The following MYH2 variants were observed in gnomAD, a reference collection of about 807,000 sequenced individuals.
MYH2 encodes the protein myosin heavy chain 2.
MYH2 carries 139 observed loss-of-function variants against 228.1 expected under a neutral mutation model. The observed-to-expected ratio is 0.61, with a 90% CI of 0.53 to 0.70. MYH2 has a LOEUF of 0.70. MYH2 is among the 30% of genes least tolerant of loss of function. The pLI is 0.00. For synonymous variants in MYH2, 796 were observed against 871.1 expected, an observed-to-expected ratio of 0.91 and a Z score of 1.52; for missense variants, 1,809 against 2,357.5, an observed-to-expected ratio of 0.77 and a Z score of 4.82.
At chr17:10,521,538 G>T in intron 39 of MYH2, 106 bp from the exon 40 acceptor site, 4 of 994,698 alleles carry the variant, frequency 4.0e-6, no homozygotes, top group Admixed American at 2.1e-5. Flanking sequence ...CAACATCTAG[G>T]GATTATCATT....
At chr17:10,534,941 G>A in intron 19 of MYH2, 132 bp downstream of exon 19, 3 of 1,161,872 alleles carry the variant, frequency 2.6e-6, no homozygotes, top group South Asian at 1.3e-5. Flanking sequence ...CGAGACTTGA[G>A]ACTTGTAATT....
chr17:10,530,155 G>C (rs1351883211), intron 22 of MYH2, 81 bp from the exon 23 acceptor site: 2 of 1,608,722 alleles, frequency 1.2e-6, no homozygotes, highest in Non-Finnish European at 1.7e-6. Flanking sequence ...TTCTGCATTT[G>C]ATCTTTTGAA....
Position 10,523,876 on chromosome 17 carries a change from G to T in MYH2, c.5184C>A (p.Ser1728Arg). 2 of 1,613,460 alleles carry T rather than the reference G, an allele frequency of 1.2e-6. No individual in the cohort carries two copies. Among genetic ancestry groups the T allele is most frequent in the South Asian group, 1.1e-5 (1 of 91,042 alleles). Reference sequence around the variant, plus strand: ...CCAGCTTCTTCTTGGTGTTGATCAGGCTGGTGTTCTGTTTAAAAAGAATTT... The same window carrying T: ...CCAGCTTCTTCTTGGTGTTGATCAGTCTGGTGTTCTGTTTAAAAAGAATTT... ...RVQLLHTQNT[S>R]LINTKKKLET... The change falls in exon 36 of 40, where the codon AGC (serine) becomes AGA (arginine). Residue 1728 changes from serine to arginine, a missense_variant. By Grantham distance (110) the Ser-to-Arg change is moderately radical. Around this residue, in one of 9 missense-constraint regions of MYH2, gnomAD observed 278 missense variants for 308.5 expected, o/e 0.90. Coordinates refer to ENST00000245503, the MANE Select transcript of MYH2 (RefSeq NM_017534.6).
rs912210806 is a variant in MYH2 at position 10,529,682 on chromosome 17, T to G, written c.2999A>C (p.Lys1000Thr). 2 of 1,614,022 alleles carry G rather than the reference T, an allele frequency of 1.2e-6. No homozygotes were observed. The highest frequency in any genetic ancestry group is 1.7e-6 in the Non-Finnish European group (2 of 1,180,020). ...GLDETIAKLT[K>T]EKKALQEAHQ... ...GGCCTCCTGGAGAGCCTTCTTCTCC[T>G]TGGTCAGCTTAGCAATGGTTTCATC... is the stretch of plus-strand genomic sequence containing the variant. Residue 1000 changes from lysine to threonine, a missense_variant, in exon 24 of 40, where the codon AAG becomes ACG. Coordinates refer to ENST00000245503, the MANE Select transcript of MYH2 (RefSeq NM_017534.6).
rs546668018 is a variant in MYH2, at chr17:10,524,571, C to T, written c.5070G>A (p.Glu1690=). 4.4e-5 allele frequency: 71 copies of T among 1,614,222 alleles called. No individual in the cohort carries two copies. The highest frequency in any genetic ancestry group is 5.8e-5 in the Non-Finnish European group (68 of 1,180,032). ...VERRANLLQA[E]IEELRATLEQ... Reference sequence around the variant, plus strand: ...CCAGAGTGGCCCGCAGCTCCTCGATCTCAGCCTGCAGCAGGTTGGCTCTGC... The same window carrying T: ...CCAGAGTGGCCCGCAGCTCCTCGATTTCAGCCTGCAGCAGGTTGGCTCTGC... Residue 1690 remains glutamate, a synonymous_variant, in exon 35 of 40, where the codon GAG becomes GAA. Coordinates refer to ENST00000245503, the MANE Select transcript of MYH2 (RefSeq NM_017534.6). This position sits in a 1 kb window ranked among gnomAD's most constrained non-coding sequence, Gnocchi z 4.7.
chr17:10,536,287 C>T (rs1388452053), intron 17 of MYH2, among the ~76,000 whole-genome samples: 2 of 152,124 alleles, frequency 1.3e-5, no homozygotes, highest in Non-Finnish European at 2.9e-5. Context: ...TGTAACCCAA[C>T]ACCACCTGTT....
Position 10,533,539 on chromosome 17 carries a change from G to T in MYH2, c.2274C>A (p.Asp758Glu), listed in dbSNP as rs1452167134. 2 of 1,614,046 alleles carry T rather than the reference G, an allele frequency of 1.2e-6. No homozygotes were observed. The highest frequency in any genetic ancestry group is 1.3e-5 in the African/African-American group (1 of 74,918). ...SEKLLASIDI[D>E]HTQYKFGHTK... The stretch of plus-strand genomic sequence containing the variant: ...TGTGCCCAAATTTATACTGGGTGTG[G>T]TCAATGTCGATGGATGCAAGGAGCT... Residue 758 changes from aspartate (D) to glutamate (E), a missense_variant, in exon 20 of 40, where the codon GAC becomes GAA. Asp to Glu is a conservative substitution (Grantham distance 45, BLOSUM62 2). Coordinates refer to ENST00000245503, the MANE Select transcript of MYH2 (RefSeq NM_017534.6).
chr17:10,525,349 C>G lies in MYH2; in HGVS notation c.4538-1G>C, dbSNP rs1597448285. 1.2e-6 allele frequency: 2 copies of G among 1,614,010 alleles called. No homozygotes were observed. The highest frequency in any genetic ancestry group is 2.7e-5 in the African/African-American group (2 of 74,910). ...TGTTCCGTGAGGTCAGAAATCTCCT[C>G]TGTTGTTTGAGTAAAAGACAGGTAG... On this transcript the variant is annotated splice_acceptor_variant, in intron 32 of 39. Transcript: ENST00000245503. LOFTEE classifies it high-confidence loss of function. The surrounding 1 kb of genome is among the most constrained non-coding windows in gnomAD (Gnocchi z 4.2).
intron 39 of MYH2, among the ~76,000 whole-genome samples, chr17:10,521,779 T>A (rs2073288602): frequency 1.3e-5 from 2 of 151,572 alleles, no homozygotes; most frequent in African/African-American, 4.9e-5. Context: ...TTGAGTTAGA[T>A]TTTTTTTATC....
chr17:10,523,636 C>A lies in MYH2; in HGVS notation c.5332G>T (p.Glu1778Ter), dbSNP rs867958590. ...AAMMAEELKKEQDTSAHLERM... is the reference protein window; with the variant it reads ...AAMMAEELKK ...TCCAGGTGGGCGCTGGTGTCCTGCT[C>A]CTTCTTCAGCTCCTCAGCCATCATG... is the stretch of plus-strand genomic sequence containing the variant. The change falls in exon 37 of 40, where the codon GAG becomes TAG. Residue 1778 changes from glutamate to a stop codon, truncating the protein, a stop_gained. Coordinates refer to ENST00000245503, the MANE Select transcript of MYH2 (RefSeq NM_017534.6). LOFTEE classifies it high-confidence loss of function. 3.1e-6 allele frequency: 5 copies of A among 1,614,154 alleles called. No homozygotes were observed. The highest frequency in any genetic ancestry group is 4.2e-6 in the Non-Finnish European group (5 of 1,180,016).
At chr17:10,523,038 T>C (rs373066455) in intron 39 of MYH2, 52 bp downstream of exon 39, 1 of 1,272,488 alleles carries the variant, frequency 7.9e-7, no homozygotes, top group African/African-American at 1.5e-5. Flanking sequence ...CTACAAGAAG[T>C]AGTAATTATT....
rs137996115 is a variant in MYH2 at position 10,547,737 on chromosome 17, C to A, written c.184G>T (p.Val62Leu). 1 of 1,614,124 alleles carries A rather than the reference C, an allele frequency of 6.2e-7. No homozygotes were observed. The highest frequency in any genetic ancestry group is 8.5e-7 in the Non-Finnish European group (1 of 1,180,042). Residue 62 changes from valine to leucine, a missense_variant, in exon 3 of 40, where the codon GTG (valine) becomes TTG (leucine). By Grantham distance (32) the Val-to-Leu change is conservative. Transcript: ENST00000245503. ...CTCACCGCTCCTCCCTCAGTCTTCA[C>A]CGTCACTTTTCCTCCTTCTCTGCTC... ...IQSREGGKVT[V>L]KTEGGATLTV...
chr17:10,526,787 G>C lies in MYH2; in HGVS notation c.3999C>G (p.Asn1333Lys). The change falls in exon 30 of 40, where the codon AAC becomes AAG. Residue 1333 changes from asparagine (N) to lysine (K), a missense_variant. Physicochemically the swap from Asn to Lys is moderately conservative, Grantham distance 94 (BLOSUM62 0). Transcript: ENST00000245503. Reference protein sequence around the residue: ...RQLEEEIKAKNALAHALQSSR... With the variant: ...RQLEEEIKAKKALAHALQSSR... ...AAGACTGCAGGGCATGCGCCAGGGC[G>C]TTCTTGGCCTATGGAGGCAGTTACA... is the stretch of plus-strand genomic sequence containing the variant. The C allele has an allele frequency of 1.2e-6, 2 of 1,614,214 alleles. No homozygotes were observed. The highest frequency in any genetic ancestry group is 1.7e-6 in the Non-Finnish European group (2 of 1,180,040).
At position 10,539,999 on chromosome 17, in the gene MYH2, A is replaced by T; in HGVS notation, c.1076T>A (p.Val359Glu). 1 of 1,614,066 alleles carries T rather than the reference A, an allele frequency of 6.2e-7. No homozygotes were observed. ...AAATTTTAGGTTCCCATAATGCATCACAGCCCCCGTGAGCTTGTAAATGGA... is the reference window on the plus strand; with the variant it reads ...AAATTTTAGGTTCCCATAATGCATCTCAGCCCCCGTGAGCTTGTAAATGGA... ...KVSIYKLTGA[V>E]MHYGNLKFKQ... Residue 359 changes from valine to glutamate, a missense_variant, in exon 12 of 40, where the codon GTG becomes GAG. Val to Glu is a moderately radical substitution (Grantham distance 121). Transcript: ENST00000245503.
At chr17:10,546,223 G>A (rs1295934347) in intron 4 of MYH2, among the ~76,000 whole-genome samples, 2 of 124,206 alleles carry the variant, frequency 1.6e-5, no homozygotes, top group Non-Finnish European at 3.2e-5. Context: ...TTTACAAAAC[G>A]TTTTTAAGTT....
In MYH2 at chr17:10,545,426, G is replaced by C. The variant is rs766305131; in HGVS notation, c.425C>G (p.Ala142Gly). The C allele has an allele frequency of 7.4e-6, 12 of 1,614,028 alleles. No homozygotes were observed. The highest frequency in any genetic ancestry group is 1.7e-4 in the Middle Eastern group (1 of 6,058). Reference protein sequence around the residue: ...LPVYKPEVVTAYRGKKRQEAP... With the variant: ...LPVYKPEVVTGYRGKKRQEAP... ...CTCCTGGCGCTTTTTGCCTCGGTAG[G>C]CTGTCACCACCTCGGGCTTATACAC... Residue 142 changes from alanine (A) to glycine (G), a missense_variant, in exon 5 of 40, where the codon GCC (alanine) becomes GGC (glycine). Transcript: ENST00000245503.
At chr17:10,544,990 T>G (rs62060664) in intron 5 of MYH2, among the ~76,000 whole-genome samples, 1 of 150,652 alleles carries the variant, frequency 6.6e-6, no homozygotes, top group African/African-American at 2.4e-5. Flanking sequence ...AGACACAGTT[T>G]GTATGTGTGA....
chr17:10,536,666 TTTG>T (rs1258953971), intron 16 of MYH2, 60 bp from the exon 17 acceptor site: 1 of 1,505,708 alleles, frequency 6.6e-7, no homozygotes. Flanking sequence ...TTCTTGCGTA[TTTG>T]CTGATTTCTG....
rs370377391 is a variant in MYH2 at position 10,531,753 on chromosome 17, C to T, written c.2577G>A (p.Lys859=). 5 of 1,614,048 alleles carry T rather than the reference C, an allele frequency of 3.1e-6. No individual in the cohort carries two copies. In the African/African-American group the frequency reaches 5.3e-5, roughly 17 times the overall value. Residue 859 remains lysine, a synonymous_variant, in exon 22 of 40, where the codon AAG becomes AAA. Transcript: ENST00000245503. ...CGTCTTTAATTTTCTGAAATTCTTC[C>T]TTCATGGTGGCCATCTCCTTCTCAG... ...AETEKEMATM[K]EEFQKIKDEL...
Sources: allele counts gnomAD v4.1 joint callset (sites outside exome capture counted in the v4.1 genomes callset), GRCh38; gene constraint gnomAD v4.1.1; regional missense constraint gnomAD v4.1.1; non-coding constraint Gnocchi (gnomAD v3.1); transcripts MANE v1.5; gene names NCBI Gene and HGNC (gene_info 2026-07-23, HGNC 2026-07-21).